CLUH: variants seen among roughly 807,000 people sequenced by gnomAD.
CLUH encodes the protein CLUH binding protein of NUMT mRNA, also known as clustered mitochondria protein homolog.
A neutral mutation model predicts 139.3 loss-of-function variants in CLUH; 77 were observed. That is an observed-to-expected ratio of 0.55 (90% CI 0.46 to 0.67). The LOEUF (loss-of-function observed/expected upper bound fraction) is 0.67, where lower values mean the gene tolerates loss of function less well. CLUH is among the 30% of genes least tolerant of loss of function. The pLI is 0.00. For missense variants in CLUH, 1,876 were observed against 1,875.8 expected (o/e 1.00, Z 0.00); for synonymous variants, 999 against 801.6 (o/e 1.25, Z -4.16).
At chr17:2,695,601 A>G in intron 13 of CLUH, 75 bp from the exon 14 acceptor site, 1 of 1,472,810 alleles carries the variant, frequency 6.8e-7, no homozygotes, top group Non-Finnish European at 9.0e-7. Flanking sequence ...GGGGGAGCAC[A>G]GCTATCCTGG....
chr17:2,691,981 CCCGCCACGCCCCCGCCG>C lies in CLUH; in HGVS notation c.3654+6_3654+22del. Reference sequence around the variant, plus strand: ...GCCACGCCCCCGCCCCGCCCCCGCCCCCGCCACGCCCCCGCCGCGCACCTGCGTCTTGTAGATGGTGT... The same window carrying C: ...GCCACGCCCCCGCCCCGCCCCCGCCCCGCACCTGCGTCTTGTAGATGGTGT... On this transcript the variant is annotated splice_donor_region_variant and intron_variant, in intron 23 of 25. Coordinates refer to ENST00000651024, the MANE Select transcript of CLUH (RefSeq NM_001366661.1). 6.8e-6 allele frequency: 5 copies of C among 738,012 alleles called. No individual in the cohort carries two copies. Among genetic ancestry groups the C allele is most frequent in the East Asian group, 7.5e-5 (1 of 13,354 alleles). 45.7% of individuals were successfully genotyped at this position (738,012 alleles called of 1,614,324 possible). A position where few individuals can be genotyped will look rare whatever the true frequency, so the allele number is the denominator to read the frequency against.
Position 2,707,233 on chromosome 17 carries a change from A to AAGGCAGCCAGCT in CLUH, c.101-2681_101-2670dup. ...GGAGTCTCAGGATGGCCGTGGCAGC[A>AAGGCAGCCAGCT]AGGCAGCCAGCTCTCCAGCTCAGCC... is the stretch of plus-strand genomic sequence containing the variant. On this transcript the variant is annotated intron_variant, in intron 1 of 25. Transcript: ENST00000651024. This position sits in a 1 kb window ranked among gnomAD's most constrained non-coding sequence, Gnocchi z 7.4. 1 of 985,392 alleles carries AAGGCAGCCAGCT rather than the reference A, an allele frequency of 1.0e-6. No homozygotes were observed. The highest frequency in any genetic ancestry group is 1.2e-6 in the Non-Finnish European group (1 of 829,906). 61.0% of individuals were successfully genotyped at this position (985,392 alleles called of 1,614,324 possible). A position where few individuals can be genotyped will look rare whatever the true frequency, so the allele number is the denominator to read the frequency against.
chr17:2,697,148 C>A (rs2069981934), intron 10 of CLUH, among the ~76,000 whole-genome samples: 1 of 152,202 alleles, frequency 6.6e-6, no homozygotes, highest in Non-Finnish European at 1.5e-5. Flanking sequence ...GCCTGTAATC[C>A]CAGCACTTTG....
At position 2,706,264 on chromosome 17, in the gene CLUH, C is replaced by T. The variant is rs1470605953; in HGVS notation, c.101-1700G>A. Among the ~76,000 whole-genome samples the T allele has an allele frequency of 6.6e-6, 1 of 152,066 alleles. No homozygotes were observed. On this transcript the variant is annotated intron_variant, in intron 1 of 25. Transcript: ENST00000651024. This position sits in a 1 kb window ranked among gnomAD's most constrained non-coding sequence, Gnocchi z 4.6. The stretch of plus-strand genomic sequence containing the variant: ...AGAGACCGGGGGGCCTGGAGAGAGT[C>T]GCTCCCTTTCCCTGGATCCCCACGA...
At position 2,703,423 on chromosome 17, in the gene CLUH, G is replaced by A; in HGVS notation, c.370C>T (p.Arg124Cys). The change falls in exon 3 of 26, where the codon CGC becomes TGC. Residue 124 changes from arginine to cysteine, a missense_variant. Arg to Cys is a radical substitution (Grantham distance 180, BLOSUM62 -3). Around this residue, in one of 3 missense-constraint regions of CLUH, gnomAD observed 270 missense variants for 354.7 expected, o/e 0.76. Coordinates refer to ENST00000651024, the MANE Select transcript of CLUH (RefSeq NM_001366661.1). This position sits in a 1 kb window ranked among gnomAD's most constrained non-coding sequence, Gnocchi z 4.2. ...TCCAGGTGCAGTGAGAAGCAGGTGC[G>A]GTGACACGTGTCCTCCCGGTCCATG... ...VLMDREDTCH[R>C]TCFSLHLDGN... The A allele has an allele frequency of 1.9e-6, 3 of 1,613,614 alleles. No individual in the cohort carries two copies. Among genetic ancestry groups the A allele is most frequent in the Admixed American group, 1.7e-5 (1 of 60,000 alleles).
chr17:2,690,865 G>GA, intron 25 of CLUH, 88 bp from the exon 26 acceptor site: 4 of 1,085,246 alleles, frequency 3.7e-6, no homozygotes, highest in Non-Finnish European at 3.8e-6. Flanking sequence ...GATAAGCTCA[G>GA]GCTCTGCGCT....
At chr17:2,691,206 G>A (rs954996787) in intron 25 of CLUH, among the ~76,000 whole-genome samples, 6 of 152,162 alleles carry the variant, frequency 3.9e-5, no homozygotes, top group Admixed American at 3.3e-4. Context: ...AAAACGCCAA[G>A]ATACTTTGTG....
At chr17:2,692,952 T>G (rs750949840) in intron 19 of CLUH, 92 bp from the exon 20 acceptor site, 12 of 1,265,146 alleles carry the variant, frequency 9.5e-6, no homozygotes, top group Non-Finnish European at 4.3e-6. Flanking sequence ...ACGGTGCCGC[T>G]CTGCAGGCTC....
In CLUH at chr17:2,704,411, C is replaced by T. The variant is rs1331913267; in HGVS notation, c.254G>A (p.Gly85Asp). 4.3e-6 allele frequency: 7 copies of T among 1,611,392 alleles called. No individual in the cohort carries two copies. The change falls in exon 2 of 26, where the codon GGC becomes GAC. Residue 85 changes from glycine to aspartate, a missense_variant. This residue lies in a region of CLUH where 152 missense variants were observed against 136.7 expected (regional missense o/e 1.11). Transcript: ENST00000651024. This position sits in a 1 kb window ranked among gnomAD's most constrained non-coding sequence, Gnocchi z 5.7. ...GQEVIVIQDT[G>D]FSVKILAPGI... The stretch of plus-strand genomic sequence containing the variant: ...AGGGGCGAGGATCTTCACAGAAAAG[C>T]CCGTGTCCTGAATGACAATGACTTC...
Position 2,690,408 on chromosome 17 carries a change from C to T in CLUH, c.*186G>A, listed in dbSNP as rs564029464. ...GCCTCTGCATCATCTATTCATTGAA[C>T]CAGCGCAAAAACACCTTCTGCGGGG... On this transcript the variant is annotated 3_prime_UTR_variant, in exon 26 of 26. Transcript: ENST00000651024. 1.3e-3 allele frequency: 617 copies of T among 457,788 alleles called. 6 individuals are homozygous for T. Among genetic ancestry groups the T allele is most frequent in the African/African-American group, 0.011 (546 of 49,262 alleles). The allele number at this position is 457,788 out of a possible 1,614,324, so 28.4% of individuals were successfully genotyped here.
Position 2,694,421 on chromosome 17 carries a change from G to A in CLUH, c.2937+59C>T, listed in dbSNP as rs1412860875. On this transcript the variant is annotated intron_variant, in intron 17 of 25. Coordinates refer to ENST00000651024, the MANE Select transcript of CLUH (RefSeq NM_001366661.1). ...CCCTGGCCAGGAGTGGGAGCCTGCA[G>A]CAGGGACGCAGCGGGGACACAGCGG... is the stretch of plus-strand genomic sequence containing the variant. 18 of 937,976 alleles carry A rather than the reference G, an allele frequency of 1.9e-5. No homozygotes were observed. The East Asian group carries it at 4.7e-4, about 24-fold the overall frequency. The allele number at this position is 937,976 out of a possible 1,614,324, so 58.1% of individuals were successfully genotyped here.
chr17:2,705,128 G>A (rs930921705), intron 1 of CLUH, among the ~76,000 whole-genome samples: 2 of 150,854 alleles, frequency 1.3e-5, no homozygotes, highest in Non-Finnish European at 2.9e-5. Flanking sequence ...CAAGGAGACC[G>A]CTGCCTCCCA....
intron 16 of CLUH, 122 bp from the exon 17 acceptor site, chr17:2,694,686 G>A (rs887052130): frequency 2.0e-5 from 26 of 1,324,266 alleles, no homozygotes; most frequent in Middle Eastern, 2.6e-4. Flanking sequence ...CGGCCCCCGG[G>A]AGCCTCCCGG....
chr17:2,705,506 C>G (rs1053595862), intron 1 of CLUH, among the ~76,000 whole-genome samples: 1 of 152,150 alleles, frequency 6.6e-6, no homozygotes, highest in African/African-American at 2.4e-5. Flanking sequence ...CACCGCTGTG[C>G]TTCTGTGTCT....
chr17:2,701,608 C>T lies in CLUH; in HGVS notation c.744+5G>A. ...ACCCTCTTCCTCCCTCCCCCAGGAT[C>T]CTACCTTCCAGTCACGGTTTTGGGG... On this transcript the variant is annotated splice_donor_5th_base_variant and intron_variant, in intron 5 of 25. Transcript: ENST00000651024. 1 of 1,610,080 alleles carries T rather than the reference C, an allele frequency of 6.2e-7. No individual in the cohort carries two copies. The highest frequency in any genetic ancestry group is 8.5e-7 in the Non-Finnish European group (1 of 1,178,244).
chr17:2,696,994 C>G, intron 10 of CLUH, 52 bp from the exon 11 acceptor site: 2 of 1,391,138 alleles, frequency 1.4e-6, no homozygotes, highest in South Asian at 2.9e-5. Flanking sequence ...GGGAGAGGAG[C>G]TCTGCTGGCC....
At chr17:2,692,309 G>C in intron 22 of CLUH, 52 bp downstream of exon 22, 1 of 1,486,574 alleles carries the variant, frequency 6.7e-7, no homozygotes, top group Non-Finnish European at 8.9e-7. Context: ...GCCCCCGCCG[G>C]CTGCCCCGCA....
Position 2,694,898 on chromosome 17 carries a change from G to A in CLUH, c.2811C>T (p.Ile937=). The A allele has an allele frequency of 1.9e-6, 3 of 1,583,352 alleles. No individual in the cohort carries two copies. Among genetic ancestry groups the A allele is most frequent in the East Asian group, 2.3e-5 (1 of 43,924 alleles). Residue 937 remains isoleucine, a synonymous_variant, in exon 16 of 26, where the codon ATC becomes ATT. Coordinates refer to ENST00000651024, the MANE Select transcript of CLUH (RefSeq NM_001366661.1). Reference sequence around the variant, plus strand: ...CAAAGTAGTTCTTGGCCTCCTGGCAGATGTTCTTCCAGAGCTCCTGGGGGG... The same window carrying A: ...CAAAGTAGTTCTTGGCCTCCTGGCAAATGTTCTTCCAGAGCTCCTGGGGGG... ...VMTPQELWKN[I]CQEAKNYFDF...
Position 2,691,788 on chromosome 17 carries a change from G to A in CLUH, c.3762C>T (p.Gly1254=), listed in dbSNP as rs1292881215. ...QRTMNEIYRN[G]SSANIPPLKF... is the part of the protein sequence containing the mutation. ...TGAGGGGCGGGATGTTGGCGCTGGAGCCGTTGCGGTAGATCTCGTTCATGG... is the reference window on the plus strand; with the variant it reads ...TGAGGGGCGGGATGTTGGCGCTGGAACCGTTGCGGTAGATCTCGTTCATGG... Residue 1254 remains glycine, a synonymous_variant, in exon 24 of 26, where the codon GGC becomes GGT. Coordinates refer to ENST00000651024, the MANE Select transcript of CLUH (RefSeq NM_001366661.1). The A allele has an allele frequency of 1.3e-6, 2 of 1,591,188 alleles. No homozygotes were observed. Among genetic ancestry groups the A allele is most frequent in the Middle Eastern group, 1.7e-4 (1 of 6,008 alleles).
Sources: gnomAD v4.1 joint callset for allele counts (sites outside exome capture counted in the v4.1 genomes callset) on GRCh38, gnomAD v4.1.1 for gene constraint, gnomAD v4.1.1 regional missense constraint, Gnocchi (gnomAD v3.1) non-coding constraint, MANE v1.5 for transcripts, NCBI Gene and HGNC (gene_info 2026-07-23, HGNC 2026-07-21) for gene names.